The following FAM222A variants were observed in gnomAD, a reference collection of about 807,000 sequenced individuals.
FAM222A encodes family with sequence similarity 222 member A, also known as protein FAM222A.
Under a neutral mutation model 25.8 loss-of-function variants are expected in FAM222A, and 7 were observed. The ratio of observed to expected loss-of-function variants is 0.27; its 90% CI spans 0.15 to 0.51. FAM222A has a LOEUF of 0.51. Among genes scored for constraint, FAM222A ranks in the 20% least tolerant of loss-of-function variants. The pLI, the probability that FAM222A is intolerant of heterozygous loss-of-function variation, is 0.97. For missense variants in FAM222A, 573 were observed against 640.5 expected (o/e 0.89, Z 1.14); for synonymous variants, 294 against 298.8 (o/e 0.98, Z 0.17).
chr12:109,734,065 G>T (rs1350025037), intron 1 of FAM222A: 1 of 152,244 alleles, frequency 6.6e-6, no homozygotes, highest in Non-Finnish European at 1.5e-5. Flanking sequence ...ATAATAATTA[G>T]CTGGGTGGGG....
intron 2 of FAM222A, among the ~76,000 whole-genome samples, chr12:109,752,308 C>T (rs1362011237): frequency 2.6e-5 from 4 of 152,244 alleles, no homozygotes; most frequent in African/African-American, 7.2e-5. Flanking sequence ...AGTGACTCTG[C>T]CTGTAATTGA....
chr12:109,726,810 C>T (rs774740547), intron 1 of FAM222A, among the ~76,000 whole-genome samples: 4 of 152,322 alleles, frequency 2.6e-5, no homozygotes, highest in Middle Eastern at 3.4e-3. Flanking sequence ...CATGCCTGGC[C>T]AGGCCCCAGG....
At chr12:109,740,875 G>T (rs1369671719) in intron 1 of FAM222A, among the ~76,000 whole-genome samples, 1 of 152,214 alleles carries the variant, frequency 6.6e-6, no homozygotes, top group Non-Finnish European at 1.5e-5. Context: ...GATATCTAGA[G>T]GAAGGGAAGG....
intron 1 of FAM222A, among the ~76,000 whole-genome samples, chr12:109,732,827 A>G (rs1441993182): frequency 6.6e-6 from 1 of 152,276 alleles, no homozygotes; most frequent in Non-Finnish European, 1.5e-5. Flanking sequence ...GCCTCAGGCC[A>G]GGCCCATCAT....
intron 1 of FAM222A, chr12:109,735,897 G>C (rs1888071941): frequency 6.6e-6 from 1 of 152,266 alleles, no homozygotes; most frequent in Non-Finnish European, 1.5e-5. Context: ...GGAGAACAGA[G>C]GCTCAGCCTG....
chr12:109,739,308 G>A (rs1398826028), intron 1 of FAM222A, among the ~76,000 whole-genome samples: 2 of 152,380 alleles, frequency 1.3e-5, no homozygotes, highest in African/African-American at 4.8e-5. Flanking sequence ...GCTGGAGGCA[G>A]AGAGAGGTCA....
chr12:109,748,330 CTTTCTTTTTTTTTTTTT>C (rs938560873), intron 2 of FAM222A, among the ~76,000 whole-genome samples: 4 of 40,446 alleles, frequency 9.9e-5, no homozygotes, highest in Non-Finnish European at 1.5e-4. Flanking sequence ...CTTTGGTTTT[CTTTCTTTTTTTTTTTTT>C]TTTTTTTGGA....
chr12:109,720,039 G>C (rs1259184378), intron 1 of FAM222A: 63 of 955,300 alleles, frequency 6.6e-5, no homozygotes, highest in Non-Finnish European at 7.5e-5. Flanking sequence ...TTTCTCATGG[G>C]CTTGTGGGTG....
rs201342971 is a variant in FAM222A at position 109,768,075 on chromosome 12, A to T, written c.146A>T (p.Tyr49Phe). 4.1e-5 allele frequency: 66 copies of T among 1,613,896 alleles called. 1 individual carries two copies. In the Admixed American group the frequency reaches 8.3e-4, roughly 20 times the overall value. ...RYPSPAELDA[Y>F]AEKVANSPLS... ...CCGAGCCCAGCAGAACTGGACGCCT[A>T]TGCCGAGAAGGTGGCCAACAGCCCG... The change falls in exon 3 of 3, where the codon TAT (tyrosine) becomes TTT (phenylalanine). Residue 49 changes from tyrosine (Y) to phenylalanine (F), a missense_variant. Tyr to Phe is a conservative substitution (Grantham distance 22). Coordinates refer to ENST00000538780, the MANE Select transcript of FAM222A (RefSeq NM_032829.3).
chr12:109,765,656 C>T (rs1011607526), intron 2 of FAM222A, among the ~76,000 whole-genome samples: 6 of 152,246 alleles, frequency 3.9e-5, no homozygotes, highest in Non-Finnish European at 5.9e-5. Context: ...TCCTCTCCAT[C>T]CCATTTCACT....
chr12:109,722,550 G>T (rs116300947), intron 1 of FAM222A: 2,843 of 152,336 alleles, frequency 0.019, 91 homozygotes, highest in African/African-American at 0.065. Context: ...CTGCAAGGAG[G>T]GGAGAGACCA....
At chr12:109,761,837 T>G (rs1268288625) in intron 2 of FAM222A, among the ~76,000 whole-genome samples, 1 of 152,022 alleles carries the variant, frequency 6.6e-6, no homozygotes, top group Non-Finnish European at 1.5e-5. Flanking sequence ...AGATCTCTCC[T>G]CTCGGCTCAG....
rs954599216 is a variant in FAM222A, at chr12:109,768,167, A to G, written c.238A>G (p.Asn80Asp). The G allele has an allele frequency of 1.2e-6, 2 of 1,613,818 alleles. No homozygotes were observed. The highest frequency in any genetic ancestry group is 2.2e-5 in the South Asian group (2 of 91,058). ...PQHKHLSRTV[N>D]GYDTSGQRYS... is the part of the protein sequence containing the mutation. ...GCACAAGCACCTCAGCCGCACAGTC[A>G]ATGGCTATGACACCAGTGGCCAGCG... The change falls in exon 3 of 3, where the codon AAT becomes GAT. Residue 80 changes from asparagine to aspartate, a missense_variant. Physicochemically the swap from Asn to Asp is conservative, Grantham distance 23. Around this residue, in one of 3 missense-constraint regions of FAM222A, gnomAD observed 112 missense variants for 154.6 expected, o/e 0.72. Transcript: ENST00000538780.
chr12:109,729,364 G>T (rs1177420276), intron 1 of FAM222A, among the ~76,000 whole-genome samples: 1 of 152,138 alleles, frequency 6.6e-6, no homozygotes, highest in East Asian at 1.9e-4. Context: ...CATGCTGGGG[G>T]GTCTCAGGAC....
At chr12:109,735,422 C>A (rs576986344) in intron 1 of FAM222A, among the ~76,000 whole-genome samples, 1 of 152,330 alleles carries the variant, frequency 6.6e-6, no homozygotes, top group East Asian at 1.9e-4. Context: ...AGTACTGAGC[C>A]TGTGGAGAAC....
chr12:109,764,652 G>A (rs1163760228), intron 2 of FAM222A, among the ~76,000 whole-genome samples: 4 of 152,132 alleles, frequency 2.6e-5, no homozygotes, highest in African/African-American at 9.7e-5. Context: ...CCCGGCAGCT[G>A]CTTTTGCTGA....
At chr12:109,731,774 G>A (rs1887953869) in intron 1 of FAM222A, among the ~76,000 whole-genome samples, 1 of 152,180 alleles carries the variant, frequency 6.6e-6, no homozygotes, top group Non-Finnish European at 1.5e-5. Flanking sequence ...GGTGTGTGGA[G>A]GGGTTTGTCG....
chr12:109,759,694 G>T (rs891934384), intron 2 of FAM222A, among the ~76,000 whole-genome samples: 5 of 152,168 alleles, frequency 3.3e-5, no homozygotes, highest in Admixed American at 3.3e-4. Flanking sequence ...GGGGGAAGGA[G>T]TGGCCCCAGT....
At chr12:109,715,160 A>G (rs1038062136) in intron 1 of FAM222A, among the ~76,000 whole-genome samples, 2 of 152,100 alleles carry the variant, frequency 1.3e-5, no homozygotes, top group African/African-American at 4.8e-5. Flanking sequence ...CCGTAAAGCT[A>G]ACAAAGGTAT....
Sources: allele counts gnomAD v4.1 joint callset (sites outside exome capture counted in the v4.1 genomes callset), GRCh38; gene constraint gnomAD v4.1.1; regional missense constraint gnomAD v4.1.1; transcripts MANE v1.5; gene names NCBI Gene and HGNC (gene_info 2026-07-23, HGNC 2026-07-21).